DLGAP2: variants seen among roughly 807,000 people sequenced by gnomAD.
The protein encoded by DLGAP2 is disks large-associated protein 2.
A neutral mutation model predicts 100.3 loss-of-function variants in DLGAP2; 26 were observed. The ratio of observed to expected loss-of-function variants is 0.26; its 90% CI spans 0.19 to 0.36. DLGAP2 has a LOEUF of 0.36. DLGAP2 is among the 10% of genes least tolerant of loss of function. The pLI is 1.00. For missense variants in DLGAP2, 1,858 were observed against 1,453.2 expected, an observed-to-expected ratio of 1.28 and a Z score of -4.53; for synonymous variants, 886 against 630.1, an observed-to-expected ratio of 1.41 and a Z score of -6.08.
intron 2 of DLGAP2, among the ~76,000 whole-genome samples, chr8:1,230,599 C>T (rs1374815266): frequency 1.3e-5 from 2 of 152,202 alleles, no homozygotes; most frequent in African/African-American, 4.8e-5. Flanking sequence ...TGTTACCTGA[C>T]TTCAAACTGT....
At chr8:1,628,869 C>G (rs1422570427) in intron 7 of DLGAP2, among the ~76,000 whole-genome samples, 1 of 152,256 alleles carries the variant, frequency 6.6e-6, no homozygotes, top group Non-Finnish European at 1.5e-5. Flanking sequence ...TGGGCCAAGG[C>G]CTGGGCTTTC....
At chr8:1,348,112 C>T (rs1485267280) in intron 3 of DLGAP2, among the ~76,000 whole-genome samples, 1 of 151,474 alleles carries the variant, frequency 6.6e-6, no homozygotes, top group Non-Finnish European at 1.5e-5. Flanking sequence ...AGCTACATTG[C>T]TCTCGTGTTA....
At chr8:795,658 G>A (rs1355332789) in intron 1 of DLGAP2, among the ~76,000 whole-genome samples, 2 of 132,578 alleles carry the variant, frequency 1.5e-5, no homozygotes, top group South Asian at 2.6e-4. Context: ...GGCGTCCAGT[G>A]AGAGCAGGTG....
chr8:894,100 G>A lies in DLGAP2; in HGVS notation c.19-13812G>A, dbSNP rs573563545. Among the ~76,000 whole-genome samples the A allele has an allele frequency of 1.3e-4, 20 of 152,278 alleles. No individual in the cohort carries two copies. In the South Asian group the frequency reaches 1.5e-3, roughly 11 times the overall value. ...ACGTCCTTGTGGGAAGGGCCCTCTC[G>A]GAGCAGTGTGCGTCTCCCTCTCCCA... On this transcript the variant is annotated intron_variant, in intron 1 of 14. Transcript: ENST00000637795.
chr8:1,570,546 T>C (rs142324394), intron 6 of DLGAP2, among the ~76,000 whole-genome samples: 1 of 152,226 alleles, frequency 6.6e-6, no homozygotes, highest in Non-Finnish European at 1.5e-5. Flanking sequence ...GAAGGCTCAG[T>C]TGGATTTCAC....
At chr8:885,671 G>A (rs886600308) in intron 1 of DLGAP2, among the ~76,000 whole-genome samples, 2 of 152,206 alleles carry the variant, frequency 1.3e-5, no homozygotes, top group South Asian at 2.1e-4. Context: ...GAATAAGAGT[G>A]ATGAGAGAGG....
chr8:860,150 A>G (rs1402614758), intron 1 of DLGAP2, among the ~76,000 whole-genome samples: 1 of 152,224 alleles, frequency 6.6e-6, no homozygotes, highest in Non-Finnish European at 1.5e-5. Flanking sequence ...AGATGCTGTC[A>G]TGGCTCCAGG....
chr8:1,645,994 G>T lies in DLGAP2; in HGVS notation c.1810+12948G>T, dbSNP rs539442645. On this transcript the variant is annotated intron_variant, in intron 8 of 14. Coordinates refer to ENST00000637795, the MANE Select transcript of DLGAP2 (RefSeq NM_001346810.2). Reference sequence around the variant, plus strand: ...TTGGTGGTGGAGGCCGAATAATGCCGCACAGTTCTCTGTATGATAGTGTGA... The same window carrying T: ...TTGGTGGTGGAGGCCGAATAATGCCTCACAGTTCTCTGTATGATAGTGTGA... 2.0e-5 allele frequency among the ~76,000 whole-genome samples: 3 copies of T among 152,300 alleles called. No homozygotes were observed. The South Asian group carries it at 6.2e-4, about 32-fold the overall frequency.
intron 2 of DLGAP2, among the ~76,000 whole-genome samples, chr8:1,204,972 G>T (rs947095161): frequency 1.3e-5 from 2 of 152,150 alleles, no homozygotes; most frequent in Non-Finnish European, 2.9e-5. Flanking sequence ...ATTCAGTGGG[G>T]CTGACAGCTC....
At chr8:865,392 G>C (rs1251055333) in intron 1 of DLGAP2, among the ~76,000 whole-genome samples, 4 of 152,198 alleles carry the variant, frequency 2.6e-5, no homozygotes, top group Admixed American at 2.6e-4. Context: ...TTGTGCTCTA[G>C]AGTTAGACTT....
chr8:1,626,826 C>T lies in DLGAP2; in HGVS notation c.1529C>T (p.Ser510Phe), dbSNP rs201068222. ...AACTACAACTCCCCGAAATTCCGCT[C>T]CCGGAACCAGAGCTACATGAGGGCC... ...AANYNSPKFR[S>F]RNQSYMRAVS... Residue 510 changes from serine (S) to phenylalanine (F), a missense_variant, in exon 7 of 15, where the codon TCC becomes TTC. By Grantham distance (155) the Ser-to-Phe change is radical. Transcript: ENST00000637795. The T allele has an allele frequency of 2.1e-5, 33 of 1,606,944 alleles. No homozygotes were observed. Among genetic ancestry groups the T allele is most frequent in the African/African-American group, 5.3e-5 (4 of 74,886 alleles).
chr8:1,161,893 C>A (rs372274942), intron 2 of DLGAP2, among the ~76,000 whole-genome samples: 1 of 152,238 alleles, frequency 6.6e-6, no homozygotes, highest in South Asian at 2.1e-4. Flanking sequence ...TCGAAGGAGA[C>A]GTGGTTCCCA....
intron 3 of DLGAP2, among the ~76,000 whole-genome samples, chr8:1,281,973 G>A (rs548124970): frequency 2.0e-4 from 20 of 98,236 alleles, no homozygotes; most frequent in African/African-American, 9.1e-4. Flanking sequence ...TGGACATGGT[G>A]TAACCTGAAC....
At chr8:1,525,191 C>CTTTTTTTTTTTTTT in intron 4 of DLGAP2, among the ~76,000 whole-genome samples, 1 of 103,676 alleles carries the variant, frequency 9.6e-6, no homozygotes, top group Non-Finnish European at 1.9e-5. Context: ...ACTCTGATGT[C>CTTTTTTTTTTTTTT]TTTTTTTTTT....
chr8:1,570,801 G>A (rs570109717), intron 6 of DLGAP2, among the ~76,000 whole-genome samples: 1 of 147,666 alleles, frequency 6.8e-6, no homozygotes, highest in East Asian at 2.0e-4. Context: ...GAGGAGAGAG[G>A]GTGAACTGTG....
At chr8:1,253,133 A>G (rs2116885755) in intron 2 of DLGAP2, among the ~76,000 whole-genome samples, 1 of 152,130 alleles carries the variant, frequency 6.6e-6, no homozygotes, top group East Asian at 1.9e-4. Context: ...TGCTCTTTGC[A>G]TTCATGGCTG....
At chr8:907,692 G>A (rs955520758) in intron 1 of DLGAP2, among the ~76,000 whole-genome samples, 2 of 152,108 alleles carry the variant, frequency 1.3e-5, no homozygotes, top group African/African-American at 2.4e-5. Flanking sequence ...TTCCAGAAAC[G>A]GCATAGATGA....
intron 3 of DLGAP2, among the ~76,000 whole-genome samples, chr8:1,468,076 C>G (rs1432520505): frequency 6.6e-6 from 1 of 152,246 alleles, no homozygotes; most frequent in East Asian, 1.9e-4. Flanking sequence ...TACAGAGACA[C>G]TTTCAGAAAT....
intron 2 of DLGAP2, among the ~76,000 whole-genome samples, chr8:1,231,566 A>G (rs1798536134): frequency 6.6e-6 from 1 of 152,228 alleles, no homozygotes; most frequent in African/African-American, 2.4e-5. Context: ...CACGATAGCA[A>G]AGAGAGGAAA....
Sources: gnomAD v4.1 joint callset for allele counts (sites outside exome capture counted in the v4.1 genomes callset) on GRCh38, gnomAD v4.1.1 for gene constraint, MANE v1.5 for transcripts, NCBI Gene and HGNC (gene_info 2026-07-23, HGNC 2026-07-21) for gene names.